Variants in DSN1 observed in about 807,000 individuals in gnomAD.
DSN1 encodes DSN1 component of MIS12 kinetochore complex, also known as kinetochore-associated protein DSN1 homolog.
In DSN1, 31 loss-of-function variants were observed where a neutral mutation model predicts 45.7. The ratio of observed to expected loss-of-function variants is 0.68; its 90% CI spans 0.51 to 0.92. The LOEUF (loss-of-function observed/expected upper bound fraction) is 0.92. Among genes scored for constraint, DSN1 ranks in the 40% least tolerant of loss-of-function variants. The probability of loss-of-function intolerance (pLI) is 0.00; values close to 1 mark genes in which losing one functional copy is unlikely to be tolerated. For synonymous variants in DSN1, 134 were observed against 142.3 expected (o/e 0.94, Z 0.41); for missense variants, 394 against 414.2 (o/e 0.95, Z 0.42).
intron 3 of DSN1, among the ~76,000 whole-genome samples, chr20:36,768,498 T>A (rs977654524): frequency 5.9e-5 from 9 of 152,080 alleles, no homozygotes; most frequent in African/African-American, 2.2e-4. Context: ...AGCCAAGAGG[T>A]TGCAGTAGCT....
At chr20:36,760,044 G>A (rs561206873) in intron 6 of DSN1, among the ~76,000 whole-genome samples, 90 of 151,914 alleles carry the variant, frequency 5.9e-4, no homozygotes, top group African/African-American at 1.9e-3. Context: ...AGGAGTTGAA[G>A]ACCAGCCTGG....
At chr20:36,773,551 A>C (rs1044223124) in intron 1 of DSN1, 111 bp downstream of exon 1, 58 of 985,752 alleles carry the variant, frequency 5.9e-5, no homozygotes, top group Non-Finnish European at 6.4e-5. Context: ...CGGCGGGTCG[A>C]GCTGGGCCGA....
chr20:36,770,791 T>C (rs1987602774), intron 3 of DSN1, 82 bp downstream of exon 3: 3 of 1,464,818 alleles, frequency 2.0e-6, no homozygotes, highest in Admixed American at 2.2e-5. Flanking sequence ...CTTTCTGCCA[T>C]ACCTCACTGC....
At position 36,762,443 on chromosome 20, in the gene DSN1, A is replaced by C; in HGVS notation, c.590+18T>G. 6.2e-7 allele frequency: 1 copy of C among 1,609,110 alleles called. No individual in the cohort carries two copies. The highest frequency in any genetic ancestry group is 8.5e-7 in the Non-Finnish European group (1 of 1,177,036). ...CTAATTCAATCATAATTTAGGACAGAAGGGGAACTGCTCTTACCCATTTGA... is the reference window on the plus strand; with the variant it reads ...CTAATTCAATCATAATTTAGGACAGCAGGGGAACTGCTCTTACCCATTTGA... On this transcript the variant is annotated intron_variant, in intron 6 of 10. Transcript: ENST00000373750.
chr20:36,766,672 G>T, intron 5 of DSN1, 97 bp downstream of exon 5: 1 of 1,049,178 alleles, frequency 9.5e-7, no homozygotes, highest in Non-Finnish European at 1.4e-6. Context: ...AGGTGGGGGA[G>T]CTAGTTTTAT....
chr20:36,768,310 G>A (rs769914438), intron 3 of DSN1, among the ~76,000 whole-genome samples: 7 of 152,064 alleles, frequency 4.6e-5, no homozygotes, highest in Non-Finnish European at 7.4e-5. Context: ...CTCTGGGGCC[G>A]AGGCATGGGA....
chr20:36,764,057 A>T (rs569388506), intron 5 of DSN1, among the ~76,000 whole-genome samples: 64 of 151,608 alleles, frequency 4.2e-4, no homozygotes, highest in Admixed American at 3.2e-3. Flanking sequence ...CTACAAAAAA[A>T]TTTTTTTTAG....
chr20:36,752,966 T>C (rs372014259), intron 10 of DSN1, 69 bp from the exon 11 acceptor site: 17 of 1,289,672 alleles, frequency 1.3e-5, no homozygotes, highest in South Asian at 1.1e-4. Context: ...AAACTTAATG[T>C]AGGGACATTG....
chr20:36,766,669 G>A, intron 5 of DSN1, 100 bp downstream of exon 5: 1 of 1,020,288 alleles, frequency 9.8e-7, no homozygotes, highest in Non-Finnish European at 1.5e-6. Flanking sequence ...AAAAGGTGGG[G>A]GAGCTAGTTT....
chr20:36,768,563 G>A (rs975945247), intron 3 of DSN1, among the ~76,000 whole-genome samples: 1 of 152,176 alleles, frequency 6.6e-6, no homozygotes, highest in Non-Finnish European at 1.5e-5. Flanking sequence ...TTTTAGTAGA[G>A]ACAGGGTTTC....
chr20:36,756,926 C>A (rs1031233522), intron 8 of DSN1, among the ~76,000 whole-genome samples: 7 of 152,188 alleles, frequency 4.6e-5, no homozygotes, highest in African/African-American at 1.7e-4. Context: ...AAACCATGCT[C>A]CTCAAAGCCC....
At chr20:36,761,802 G>A (rs1179317672) in intron 6 of DSN1, among the ~76,000 whole-genome samples, 1 of 151,904 alleles carries the variant, frequency 6.6e-6, no homozygotes, top group Non-Finnish European at 1.5e-5. Context: ...CTCGAGACCA[G>A]CCTGGCCAGC....
chr20:36,763,432 A>AAAT (rs1987123722), intron 5 of DSN1, among the ~76,000 whole-genome samples: 4 of 150,528 alleles, frequency 2.7e-5, no homozygotes, highest in African/African-American at 9.7e-5. Context: ...AAAAAAAAAA[A>AAAT]AGAAGTCAGG....
chr20:36,769,287 T>C (rs1987510958), intron 3 of DSN1, among the ~76,000 whole-genome samples: 2 of 152,260 alleles, frequency 1.3e-5, no homozygotes, highest in African/African-American at 4.8e-5. Flanking sequence ...GTTGTGTTTT[T>C]AAAGTTCTTG....
At chr20:36,755,971 TTTG>T (rs2148258432) in intron 8 of DSN1, 142 bp from the exon 9 acceptor site, 32 of 918,746 alleles carry the variant, frequency 3.5e-5, no homozygotes, top group Non-Finnish European at 4.2e-5. Context: ...AAGGTTTTTT[TTTG>T]TTTGTTTGTT....
At chr20:36,765,355 A>G (rs1405960669) in intron 5 of DSN1, among the ~76,000 whole-genome samples, 1 of 151,422 alleles carries the variant, frequency 6.6e-6, no homozygotes, top group Non-Finnish European at 1.5e-5. Context: ...CGGGAGTTCG[A>G]GACCAGCCTG....
Position 36,771,045 on chromosome 20 carries a change from T to G in DSN1, c.183A>C (p.Lys61Asn). The change falls in exon 3 of 11, where the codon AAA becomes AAC. Residue 61 changes from lysine (K) to asparagine (N), a missense_variant. Coordinates refer to ENST00000373750, the MANE Select transcript of DSN1 (RefSeq NM_001145315.2). ...ERIHLGSSPK[K>N]GGNCDLSHQE... is the part of the protein sequence containing the mutation. The stretch of plus-strand genomic sequence containing the variant: ...GGTGGCTGAGATCACAATTTCCCCC[T>G]TTTTTAGGGCTAGAGCCAAGGTGAA... 6.2e-7 allele frequency: 1 copy of G among 1,614,144 alleles called. No homozygotes were observed. Among genetic ancestry groups the G allele is most frequent in the Non-Finnish European group, 8.5e-7 (1 of 1,180,018 alleles).
In DSN1 at chr20:36,758,626, C is replaced by T; in HGVS notation, c.591-9G>A. 6.2e-7 allele frequency: 1 copy of T among 1,609,242 alleles called. No homozygotes were observed. The highest frequency in any genetic ancestry group is 2.2e-5 in the East Asian group (1 of 44,760). On this transcript the variant is annotated splice_polypyrimidine_tract_variant and intron_variant, in intron 6 of 10. Transcript: ENST00000373750. ...AAAAATCTGATGCTTTTCTGGAAAA[C>T]AGATAGGATTATGACATAAATCTTT...
chr20:36,764,131 G>A (rs950502894), intron 5 of DSN1, among the ~76,000 whole-genome samples: 2 of 151,544 alleles, frequency 1.3e-5, no homozygotes, highest in Admixed American at 6.6e-5. Context: ...TGAGGAAGGA[G>A]AAATGCTTGA....
Sources: gnomAD v4.1 joint callset for allele counts (sites outside exome capture counted in the v4.1 genomes callset) on GRCh38, gnomAD v4.1.1 for gene constraint, MANE v1.5 for transcripts, NCBI Gene and HGNC (gene_info 2026-07-23, HGNC 2026-07-21) for gene names.